The following NBPF20 variants were observed in gnomAD, a reference collection of about 807,000 sequenced individuals.
NBPF20 encodes NBPF member 20, also known as NBPF family member NBPF20.
Under a neutral mutation model 68.1 loss-of-function variants are expected in NBPF20, and 90 were observed. That is an observed-to-expected ratio of 1.32 (90% CI 1.11 to 1.58). NBPF20 has a LOEUF of 1.58. NBPF20 is among the 40% of genes most tolerant of loss of function. NBPF20 has a pLI of 0.00. For synonymous variants in NBPF20, 290 were observed against 228.1 expected (o/e 1.27, Z -2.45); for missense variants, 816 against 601.2 (o/e 1.36, Z -3.74).
At chr1:145,406,533 T>G (rs587596215), upstream of NBPF20, among the ~76,000 whole-genome samples, 215 of 152,040 alleles carry the variant, frequency 1.4e-3, no homozygotes, top group African/African-American at 5.1e-3. Context: ...TTGCAAAGTA[T>G]TTGTATTGCT....
At chr1:145,400,095 T>A (rs1401095603) in intron 6 of NBPF20, among the ~76,000 whole-genome samples, 2,396 of 152,234 alleles carry the variant, frequency 0.016, 53 homozygotes, top group African/African-American at 0.055. Flanking sequence ...TAATCACAGA[T>A]GACAAGAGAT....
intron 2 of NBPF20, among the ~76,000 whole-genome samples, chr1:145,403,946 G>A (rs1253466770): frequency 6.7e-6 from 1 of 149,646 alleles, no homozygotes; most frequent in Non-Finnish European, 1.5e-5. Context: ...TGTTCACTGT[G>A]TGCCAATAAA....
the NBPF20 span, among the ~76,000 whole-genome samples, chr1:145,414,798 G>C: frequency 7.1e-6 from 1 of 140,736 alleles, no homozygotes; most frequent in African/African-American, 2.7e-5. Context: ...AAGACAATGA[G>C]GGGTATTTCA....
At chr1:145,393,458 A>AACAC (rs370259133) in intron 9 of NBPF20, among the ~76,000 whole-genome samples, 32,599 of 145,074 alleles carry the variant, frequency 0.22, 4,095 homozygotes, top group Non-Finnish European at 0.31. Context: ...CACACACACA[A>AACAC]ACACACACAC....
exon 138 of NBPF20, chr1:145,291,492 C>A (rs374941749): frequency 2.5e-6 from 4 of 1,612,002 alleles, no homozygotes; most frequent in East Asian, 2.2e-5. Context: ...GTCCTGCCTG[C>A]AGGAATGACA....
chr1:145,415,252 C>A, the NBPF20 span, among the ~76,000 whole-genome samples: 3 of 151,866 alleles, frequency 2.0e-5, no homozygotes, highest in Non-Finnish European at 2.9e-5. Flanking sequence ...GCATGTCCCA[C>A]CTCCAGTCCT....
In NBPF20 at chr1:145,405,537, G is replaced by C; in HGVS notation, c.-163C>G. ...CTCAGACTCTGATAAGAGTGAGGTA[G>C]ATTGTGGCCAGCGTGCCAGGTAACC... On this transcript the variant is annotated 5_prime_UTR_variant, in exon 1 of 138. It adds an upstream start codon to the 5' untranslated region. Transcript: ENST00000369373. 8.2e-7 allele frequency: 1 copy of C among 1,219,052 alleles called. No individual in the cohort carries two copies. The highest frequency in any genetic ancestry group is 1.1e-6 in the Non-Finnish European group (1 of 883,126). The allele number at this position is 1,219,052 out of a possible 1,614,324, so 75.5% of individuals were successfully genotyped here.
At chr1:145,408,388 C>T (rs1340890457), upstream of NBPF20, among the ~76,000 whole-genome samples, 3 of 151,926 alleles carry the variant, frequency 2.0e-5, no homozygotes, top group Non-Finnish European at 2.9e-5. Flanking sequence ...TGATGGATTT[C>T]TTATGAATAA....
Position 145,400,689 on chromosome 1 carries a change from A to C in NBPF20, c.567-95T>G, listed in dbSNP as rs1374433510. 12 of 1,514,274 alleles carry C rather than the reference A, an allele frequency of 7.9e-6. No homozygotes were observed. The Admixed American group carries it at 2.0e-4, about 26-fold the overall frequency. The allele number at this position is 1,514,274 out of a possible 1,614,324, so 93.8% of individuals were successfully genotyped here. A position where few individuals can be genotyped will look rare whatever the true frequency, so the allele number is the denominator to read the frequency against. On this transcript the variant is annotated intron_variant, in intron 5 of 137. Coordinates refer to ENST00000369373, the Ensembl canonical transcript of NBPF20. The stretch of plus-strand genomic sequence containing the variant: ...GCTGGTTTTGACAGGCGGCATTAAG[A>C]GAGTGGTCCCAGAAAGCAAAATGGA...
intron 3 of NBPF20, among the ~76,000 whole-genome samples, chr1:145,402,900 G>A (rs1662592027): frequency 6.6e-6 from 1 of 151,246 alleles, no homozygotes; most frequent in African/African-American, 2.4e-5. Flanking sequence ...GTGGGGTGGT[G>A]ATGGCACACC....
chr1:145,291,197 G>C (rs1208231617), exon 138 of NBPF20: 19 of 478,230 alleles, frequency 4.0e-5, no homozygotes, highest in South Asian at 6.6e-5. Context: ...CCTTGAGCAG[G>C]TATAGAAGCT....
rs1661254123 is a variant in NBPF20, at chr1:145,294,821, A to G, written c.16324T>C (p.Leu5442=). 13 of 293,366 alleles carry G rather than the reference A, an allele frequency of 4.4e-5. No individual in the cohort carries two copies. In the African/African-American group the frequency reaches 1.1e-3, roughly 24 times the overall value. 18.2% of individuals were successfully genotyped at this position (293,366 alleles called of 1,614,324 possible). A position where few individuals can be genotyped will look rare whatever the true frequency, so the allele number is the denominator to read the frequency against. ...GCCAAGCCAAGGTACTGTTCCTCCA[A>G]TGAGTAAACAGCACTGCTGTAGGGC... is the stretch of plus-strand genomic sequence containing the variant. Residue 5442 remains leucine (L), a synonymous_variant, in exon 134 of 138, where the codon TTG becomes CTG. Transcript: ENST00000369373.
intron 7 of NBPF20, among the ~76,000 whole-genome samples, chr1:145,396,592 C>T (rs1168314693): frequency 2.6e-5 from 4 of 151,634 alleles, no homozygotes; most frequent in Non-Finnish European, 5.9e-5. Context: ...ATGCTAAGGG[C>T]AGCCAGAGAG....
exon 15 of NBPF20, chr1:145,389,151 CCTT>C: frequency 2.9e-6 from 1 of 344,946 alleles, no homozygotes; most frequent in Non-Finnish European, 4.5e-6. Context: ...ATCTTCTTCC[CCTT>C]CTTTTCTTCC....
In NBPF20 at chr1:145,401,071, G is replaced by A. The variant is rs1274232004; in HGVS notation, c.554C>T (p.Ser185Leu). The A allele has an allele frequency of 7.9e-5, 127 of 1,608,034 alleles. 2 individuals are homozygous for A. The Admixed American group carries it at 1.5e-3, about 19-fold the overall frequency. The change falls in exon 5 of 138, where the codon TCG becomes TTG. Residue 185 changes from serine (S) to leucine (L), a missense_variant. Coordinates refer to ENST00000369373, the Ensembl canonical transcript of NBPF20. ...TATTCAGTGTTACCTGGGGGCAGAC[G>A]ATTTCTGCACTTTCTCAGCCAACTC...
chr1:145,419,133 G>GAGGA, the NBPF20 span, among the ~76,000 whole-genome samples: 93 of 139,160 alleles, frequency 6.7e-4, no homozygotes, highest in Non-Finnish European at 1.0e-3. Context: ...GGGAGGAAGG[G>GAGGA]AGGAAGGAAG....
Position 145,291,481 on chromosome 1 carries a change from G to C in NBPF20, c.*45C>G, listed in dbSNP as rs368139588. On this transcript the variant is annotated 3_prime_UTR_variant, in exon 138 of 138. Transcript: ENST00000369373. ...TCATTCAAATCTTCACGTGCCTATA[G>C]GTCCTGCCTGCAGGAATGACATCTC... The C allele has an allele frequency of 5.0e-6, 8 of 1,611,826 alleles. No homozygotes were observed. In the African/African-American group the frequency reaches 8.0e-5, roughly 16 times the overall value.
At chr1:145,421,275 T>C in the NBPF20 span, among the ~76,000 whole-genome samples, 2 of 152,240 alleles carry the variant, frequency 1.3e-5, no homozygotes, top group Non-Finnish European at 2.9e-5. Context: ...CTGGTCTATC[T>C]GGTCTATCTG....
At chr1:145,306,240 G>T (rs1173528364) in intron 119 of NBPF20, among the ~76,000 whole-genome samples, 175 bp from the exon 125 acceptor site, 20 of 142,784 alleles carry the variant, frequency 1.4e-4, no homozygotes, top group Admixed American at 2.8e-4. Flanking sequence ...AAATGGAAAA[G>T]AATGAAAGAG....
Sources: gnomAD v4.1 joint callset for allele counts (sites outside exome capture counted in the v4.1 genomes callset) on GRCh38, gnomAD v4.1.1 for gene constraint, MANE v1.5 for transcripts, NCBI Gene and HGNC (gene_info 2026-07-23, HGNC 2026-07-21) for gene names.